The following AKT3 variants were observed in gnomAD, a reference collection of about 807,000 sequenced individuals.
AKT3 encodes the protein RAC-gamma serine/threonine-protein kinase.
Under a neutral mutation model 65.3 loss-of-function variants are expected in AKT3, and 15 were observed. That is an observed-to-expected ratio of 0.23 (90% CI 0.15 to 0.35). The LOEUF (loss-of-function observed/expected upper bound fraction) is 0.35, where lower values mean the gene tolerates loss of function less well. AKT3 is among the 10% of genes least tolerant of loss of function. AKT3 has a pLI of 1.00. For synonymous variants in AKT3, 206 were observed against 183.8 expected, an observed-to-expected ratio of 1.12 and a Z score of -0.98; for missense variants, 243 against 576.5, an observed-to-expected ratio of 0.42 and a Z score of 5.92.
chr1:243,540,408 A>G (rs1558600172), intron 12 of AKT3, among the ~76,000 whole-genome samples: 1 of 152,166 alleles, frequency 6.6e-6, no homozygotes. Context: ...GATTTTAAAA[A>G]CTCTCAGTAA....
intron 8 of AKT3, among the ~76,000 whole-genome samples, chr1:243,609,371 AAC>A (rs1677695345): frequency 8.0e-6 from 1 of 125,676 alleles, no homozygotes; most frequent in African/African-American, 3.2e-5. Flanking sequence ...TGTGTGTACC[AAC>A]ACTGTAATTA....
chr1:243,519,531 C>A (rs1183325203), intron 12 of AKT3, among the ~76,000 whole-genome samples: 1 of 152,190 alleles, frequency 6.6e-6, no homozygotes, highest in East Asian at 1.9e-4. Flanking sequence ...AGGCATTTTG[C>A]TTATTGACTT....
At chr1:243,743,614 T>C (rs1688298773) in intron 2 of AKT3, among the ~76,000 whole-genome samples, 1 of 152,240 alleles carries the variant, frequency 6.6e-6, no homozygotes, top group Non-Finnish European at 1.5e-5. Context: ...TAGGAAAGTT[T>C]AATATTTTAA....
At chr1:243,491,234 T>C (rs1666331954) in intron 13 of AKT3, among the ~76,000 whole-genome samples, 2 of 152,290 alleles carry the variant, frequency 1.3e-5, no homozygotes, top group Admixed American at 6.5e-5. Flanking sequence ...AATCTGGCTA[T>C]TGCCAAATGA....
At chr1:243,585,721 C>A (rs1240875101) in intron 8 of AKT3, among the ~76,000 whole-genome samples, 1 of 152,106 alleles carries the variant, frequency 6.6e-6, no homozygotes, top group Non-Finnish European at 1.5e-5. Flanking sequence ...CTATCTTTTA[C>A]CATATACAAA....
chr1:243,543,807 T>G (rs780983926), intron 12 of AKT3, among the ~76,000 whole-genome samples: 1 of 152,216 alleles, frequency 6.6e-6, no homozygotes, highest in African/African-American at 2.4e-5. Context: ...TTATACATAG[T>G]AGAAACTCAA....
chr1:243,832,631 T>C lies in AKT3; in HGVS notation c.46+10494A>G, dbSNP rs552530539. Among the ~76,000 whole-genome samples, 4 of 152,326 alleles carry C rather than the reference T, an allele frequency of 2.6e-5. No individual in the cohort carries two copies. The South Asian group carries it at 8.3e-4, about 32-fold the overall frequency. On this transcript the variant is annotated intron_variant, in intron 2 of 13. Transcript: ENST00000673466. ...AGGGAGCTACAAATGAGATTCGCAC[T>C]GATGTGGCTTTTTACTCAAGGCGCT... is the stretch of plus-strand genomic sequence containing the variant.
Position 243,499,885 on chromosome 1 carries a change from T to C in AKT3, c.*5364A>G. ...ACAACGCACCACGACCTTCCCAGGG[T>C]GACACCGCCTCAGCCTGCAGTGGGG... On this transcript the variant is annotated 3_prime_UTR_variant, in exon 14 of 14. Coordinates refer to ENST00000673466, the MANE Select transcript of AKT3 (RefSeq NM_005465.7). The C allele has an allele frequency of 8.7e-7, 1 of 1,151,720 alleles. No homozygotes were observed. Among genetic ancestry groups the C allele is most frequent in the Non-Finnish European group, 1.3e-6 (1 of 778,080 alleles). 71.3% of individuals were successfully genotyped at this position (1,151,720 alleles called of 1,614,324 possible).
chr1:243,775,608 G>A (rs919536460), intron 2 of AKT3, among the ~76,000 whole-genome samples: 9 of 152,144 alleles, frequency 5.9e-5, no homozygotes, highest in African/African-American at 9.7e-5. Context: ...TACCAAAAAC[G>A]AAAGAATAGG....
chr1:243,549,929 CA>C (rs977978485), intron 11 of AKT3, among the ~76,000 whole-genome samples: 3 of 152,154 alleles, frequency 2.0e-5, no homozygotes, highest in African/African-American at 7.2e-5. Context: ...TCTAATATAT[CA>C]GCTTCATTTC....
At chr1:243,730,906 C>T (rs1350878611) in intron 2 of AKT3, among the ~76,000 whole-genome samples, 1 of 152,244 alleles carries the variant, frequency 6.6e-6, no homozygotes, top group Non-Finnish European at 1.5e-5. Context: ...CCAGAGCTGC[C>T]TGCCCCACCA....
intron 2 of AKT3, among the ~76,000 whole-genome samples, chr1:243,727,773 G>A (rs964978856): frequency 5.3e-5 from 8 of 150,832 alleles, no homozygotes; most frequent in African/African-American, 1.9e-4. Context: ...TTCTAGCAAA[G>A]AAAAAAAGAG....
At chr1:243,740,735 G>T (rs1688101949) in intron 2 of AKT3, 1 of 152,104 alleles carries the variant, frequency 6.6e-6, no homozygotes, top group African/African-American at 2.4e-5. Flanking sequence ...TGAAAAAGTT[G>T]GCCTGGTTCT....
chr1:243,631,776 T>C (rs527513137), intron 6 of AKT3, among the ~76,000 whole-genome samples: 5 of 152,378 alleles, frequency 3.3e-5, no homozygotes, highest in African/African-American at 1.2e-4. Context: ...AATCCTTTGC[T>C]GTTATTTCAG....
chr1:243,582,237 T>C (rs1675416482), intron 8 of AKT3, among the ~76,000 whole-genome samples: 1 of 151,508 alleles, frequency 6.6e-6, no homozygotes, highest in African/African-American at 2.4e-5. Context: ...ATACAAGAAA[T>C]CCAGAGTACA....
chr1:243,659,189 T>G (rs1317615941), intron 4 of AKT3, among the ~76,000 whole-genome samples: 1 of 152,216 alleles, frequency 6.6e-6, no homozygotes, highest in Non-Finnish European at 1.5e-5. Flanking sequence ...ACTGTATGAT[T>G]CCACTTATGT....
At chr1:243,626,132 C>G (rs568787363) in intron 6 of AKT3, among the ~76,000 whole-genome samples, 5 of 152,260 alleles carry the variant, frequency 3.3e-5, no homozygotes, top group Middle Eastern at 3.4e-3. Flanking sequence ...AGGCAGGCAT[C>G]TGATATAACT....
chr1:243,500,894 GACATAAAGGCTGTC>G lies in AKT3; in HGVS notation c.*4341_*4354del, dbSNP rs1273884142. 1 of 228,406 alleles carries G rather than the reference GACATAAAGGCTGTC, an allele frequency of 4.4e-6. No individual in the cohort carries two copies. Among genetic ancestry groups the G allele is most frequent in the East Asian group, 6.3e-5 (1 of 15,824 alleles). 14.1% of individuals were successfully genotyped at this position (228,406 alleles called of 1,614,324 possible). On this transcript the variant is annotated 3_prime_UTR_variant, in exon 14 of 14. Coordinates refer to ENST00000673466, the MANE Select transcript of AKT3 (RefSeq NM_005465.7). ...GTTTTTTATTTCATCAAATGTGCTA[GACATAAAGGCTGTC>G]ACATAAGATATTTTAATTGTCCTTA...
chr1:243,642,418 T>A (rs1680474866), intron 5 of AKT3, among the ~76,000 whole-genome samples: 1 of 152,350 alleles, frequency 6.6e-6, no homozygotes, highest in South Asian at 2.1e-4. Flanking sequence ...CACGACATTC[T>A]CCTGCCTCAG....
Sources: gnomAD v4.1 joint callset for allele counts (sites outside exome capture counted in the v4.1 genomes callset) on GRCh38, gnomAD v4.1.1 for gene constraint, MANE v1.5 for transcripts, NCBI Gene and HGNC (gene_info 2026-07-23, HGNC 2026-07-21) for gene names.